The following LRBA variants were observed in gnomAD, a reference collection of about 807,000 sequenced individuals.
LRBA encodes LPS responsive beige-like anchor protein.
Under a neutral mutation model 330.0 loss-of-function variants are expected in LRBA, and 176 were observed. That is an observed-to-expected ratio of 0.53 (90% CI 0.47 to 0.60). The LOEUF (loss-of-function observed/expected upper bound fraction) is 0.60. LRBA is among the 20% of genes least tolerant of loss of function. LRBA has a pLI of 0.00. For synonymous variants in LRBA, 1,230 were observed against 1,193.0 expected (o/e 1.03, Z -0.64); for missense variants, 3,259 against 3,444.8 (o/e 0.95, Z 1.35).
At chr4:150,735,131 A>T (rs1220525262) in intron 36 of LRBA, 127 bp downstream of exon 36, 2 of 713,894 alleles carry the variant, frequency 2.8e-6, no homozygotes, top group Non-Finnish European at 5.0e-6. Context: ...TCTCCTATAA[A>T]CCTAGATTTT....
intron 44 of LRBA, among the ~76,000 whole-genome samples, chr4:150,460,856 T>A (rs141139472): frequency 6.6e-6 from 1 of 151,884 alleles, no homozygotes; most frequent in South Asian, 2.1e-4. Flanking sequence ...ATTTGCTTTA[T>A]CTTGGCCATT....
At chr4:150,365,348 C>G (rs890364860) in intron 47 of LRBA, among the ~76,000 whole-genome samples, 1 of 151,998 alleles carries the variant, frequency 6.6e-6, no homozygotes. Context: ...TAGAGCAAGA[C>G]AGAGAATGAT....
chr4:150,321,063 A>G lies in LRBA; in HGVS notation c.7630+128T>C, dbSNP rs1561009697. On this transcript the variant is annotated intron_variant, in intron 50 of 56. Transcript: ENST00000651943. This position sits in a 1 kb window ranked among gnomAD's most constrained non-coding sequence, Gnocchi z 4.5. ...GGGCCTTTTTTAAGCCTTTCAAACTATTAAACAATTTGATTCAGACTAATG... is the reference window on the plus strand; with the variant it reads ...GGGCCTTTTTTAAGCCTTTCAAACTGTTAAACAATTTGATTCAGACTAATG... 4.5e-6 allele frequency: 4 copies of G among 892,048 alleles called. No individual in the cohort carries two copies. The highest frequency in any genetic ancestry group is 6.7e-6 in the Non-Finnish European group (4 of 597,130). The allele number at this position is 892,048 out of a possible 1,614,324, so 55.3% of individuals were successfully genotyped here.
At chr4:150,853,911 A>C (rs1381231035) in intron 22 of LRBA, among the ~76,000 whole-genome samples, 5 of 152,186 alleles carry the variant, frequency 3.3e-5, no homozygotes, top group African/African-American at 1.2e-4. Flanking sequence ...ACATTATTAT[A>C]TAGAGTAAAC....
chr4:150,877,254 T>TTA (rs1754146900), intron 17 of LRBA, among the ~76,000 whole-genome samples: 1 of 130,730 alleles, frequency 7.6e-6, no homozygotes. Context: ...CAAGACTCCG[T>TTA]ATCAAAAAAA....
chr4:151,002,774 G>A (rs922420178), intron 2 of LRBA, among the ~76,000 whole-genome samples: 2 of 151,932 alleles, frequency 1.3e-5, no homozygotes, highest in Non-Finnish European at 2.9e-5. Flanking sequence ...CACTTTGGGA[G>A]GCTGAGGTGG....
At chr4:150,491,651 C>T (rs1401830595) in intron 40 of LRBA, among the ~76,000 whole-genome samples, 1 of 152,032 alleles carries the variant, frequency 6.6e-6, no homozygotes, top group Non-Finnish European at 1.5e-5. Context: ...GCATAATCTC[C>T]CTATGGGGTA....
chr4:150,515,250 A>G (rs1401340556), intron 40 of LRBA, among the ~76,000 whole-genome samples: 2 of 150,512 alleles, frequency 1.3e-5, no homozygotes, highest in Non-Finnish European at 3.0e-5. Flanking sequence ...GTGGTTCAAT[A>G]CCAGGAAATC....
At chr4:150,380,317 C>T (rs1436298431) in intron 47 of LRBA, among the ~76,000 whole-genome samples, 1 of 152,168 alleles carries the variant, frequency 6.6e-6, no homozygotes, top group African/African-American at 2.4e-5. Context: ...TTACAAAGCA[C>T]CTGTGAACTA....
At chr4:150,705,135 C>G (rs1785491734) in intron 36 of LRBA, among the ~76,000 whole-genome samples, 1 of 152,100 alleles carries the variant, frequency 6.6e-6, no homozygotes, top group South Asian at 2.1e-4. Context: ...AAATCCTCTT[C>G]CCCCTTCAAT....
chr4:150,390,007 T>G (rs1743699235), intron 47 of LRBA, among the ~76,000 whole-genome samples: 1 of 151,878 alleles, frequency 6.6e-6, no homozygotes, highest in Non-Finnish European at 1.5e-5. Context: ...TTCTTATCTT[T>G]TTAAGCACTT....
At chr4:150,376,702 A>T (rs1055729334) in intron 47 of LRBA, among the ~76,000 whole-genome samples, 2 of 152,258 alleles carry the variant, frequency 1.3e-5, no homozygotes, top group African/African-American at 4.8e-5. Context: ...ACACTGTGTT[A>T]GAAAGAAAAC....
At chr4:150,707,449 A>T (rs1197215791) in intron 36 of LRBA, among the ~76,000 whole-genome samples, 2 of 151,656 alleles carry the variant, frequency 1.3e-5, no homozygotes, top group Non-Finnish European at 3.0e-5. Flanking sequence ...TAAAAAACCA[A>T]TCAGAAAAAC....
intron 31 of LRBA, among the ~76,000 whole-genome samples, chr4:150,809,875 G>A (rs1202011072): frequency 8.0e-6 from 1 of 125,652 alleles, no homozygotes; most frequent in African/African-American, 3.0e-5. Flanking sequence ...GATACGATAC[G>A]ATACGATACG....
chr4:150,531,698 A>C (rs1383251599), intron 40 of LRBA, among the ~76,000 whole-genome samples: 1 of 152,186 alleles, frequency 6.6e-6, no homozygotes, highest in Non-Finnish European at 1.5e-5. Context: ...AACCTCCATA[A>C]AATTATTTTG....
chr4:150,559,435 C>T (rs1360079490), intron 40 of LRBA, among the ~76,000 whole-genome samples: 1 of 149,006 alleles, frequency 6.7e-6, no homozygotes, highest in Non-Finnish European at 1.5e-5. Context: ...GTGGTGCATG[C>T]TGGTAGTCCC....
intron 40 of LRBA, among the ~76,000 whole-genome samples, chr4:150,577,031 T>C (rs978971395): frequency 5.9e-5 from 9 of 151,948 alleles, no homozygotes; most frequent in Admixed American, 5.2e-4. Context: ...GGCACTATGG[T>C]GAACTGTTCA....
At chr4:150,593,518 A>G (rs1218340759) in intron 38 of LRBA, among the ~76,000 whole-genome samples, 2 of 152,220 alleles carry the variant, frequency 1.3e-5, no homozygotes, top group African/African-American at 2.4e-5. Context: ...CCACGATGCC[A>G]TATTAGCTCT....
intron 40 of LRBA, among the ~76,000 whole-genome samples, chr4:150,507,241 T>C (rs1340046651): frequency 1.3e-5 from 2 of 152,084 alleles, no homozygotes; most frequent in African/African-American, 2.4e-5. Context: ...AAAGTTCATA[T>C]GGAATCAAAA....
Sources: gnomAD v4.1 joint callset for allele counts (sites outside exome capture counted in the v4.1 genomes callset) on GRCh38, gnomAD v4.1.1 for gene constraint, Gnocchi (gnomAD v3.1) non-coding constraint, MANE v1.5 for transcripts, NCBI Gene and HGNC (gene_info 2026-07-23, HGNC 2026-07-21) for gene names.